ADPGK: variants seen among roughly 807,000 people sequenced by gnomAD.
ADPGK encodes ADP dependent glucokinase, also known as ADP-dependent glucokinase.
In ADPGK, 26 loss-of-function variants were observed where a neutral mutation model predicts 42.4. That is an observed-to-expected ratio of 0.61 (90% CI 0.45 to 0.85). ADPGK has a LOEUF of 0.85. Among genes scored for constraint, ADPGK ranks in the 40% least tolerant of loss-of-function variants. The probability of loss-of-function intolerance (pLI) is 0.00; values close to 1 mark genes in which losing one functional copy is unlikely to be tolerated. For synonymous variants in ADPGK, 267 were observed against 252.6 expected, an observed-to-expected ratio of 1.06 and a Z score of -0.54; for missense variants, 571 against 627.0, an observed-to-expected ratio of 0.91 and a Z score of 0.95.
Position 72,760,516 on chromosome 15 carries a change from G to T in ADPGK, c.534C>A (p.Cys178Ter), listed in dbSNP as rs770921031. The T allele has an allele frequency of 2.9e-5, 47 of 1,601,442 alleles. No individual in the cohort carries two copies. Among genetic ancestry groups the T allele is most frequent in the Non-Finnish European group, 3.9e-5 (46 of 1,170,710 alleles). Reference protein sequence around the residue: ...AANSDLKVLLCGPVGPKLHEL... With the variant: ...AANSDLKVLL ...CATGTAGCTTTGGACCAACTGGACC[G>T]CAAAGAAGAACCTGGAGGCAAGCAA... Residue 178 changes from cysteine to a stop codon, truncating the protein, a stop_gained, in exon 4 of 7, where the codon TGC becomes TGA. Coordinates refer to ENST00000456471, the MANE Select transcript of ADPGK (RefSeq NM_001365225.1). LOFTEE classifies it high-confidence loss of function.
intron 1 of ADPGK, 134 bp downstream of exon 1, chr15:72,783,325 A>G: frequency 7.8e-7 from 1 of 1,279,172 alleles, no homozygotes; most frequent in Non-Finnish European, 9.9e-7. Flanking sequence ...GACGTCCGAC[A>G]CTTCTCGCCA....
intron 6 of ADPGK, 89 bp downstream of exon 6, chr15:72,755,467 G>C: frequency 1.0e-6 from 1 of 959,386 alleles, no homozygotes; most frequent in South Asian, 1.6e-5. Context: ...GCCAGTCCCT[G>C]AGCCCAAACA....
chr15:72,773,395 C>G (rs573239296), intron 2 of ADPGK, among the ~76,000 whole-genome samples: 2 of 152,240 alleles, frequency 1.3e-5, no homozygotes, highest in South Asian at 4.1e-4. Context: ...TTTTATTCAA[C>G]CACGATAGTT....
intron 2 of ADPGK, among the ~76,000 whole-genome samples, chr15:72,774,285 G>C (rs77189517): frequency 6.6e-6 from 1 of 152,278 alleles, no homozygotes; most frequent in South Asian, 2.1e-4. Flanking sequence ...TAAATGAGGA[G>C]GAAGAATGGG....
chr15:72,760,102 A>C, intron 4 of ADPGK: 1 of 173,976 alleles, frequency 5.7e-6, no homozygotes, highest in African/African-American at 2.4e-5. Flanking sequence ...AACTTTATAT[A>C]TGTGTGTTTA....
At chr15:72,756,198 C>T in intron 5 of ADPGK, 53 bp downstream of exon 5, 1 of 1,603,812 alleles carries the variant, frequency 6.2e-7, no homozygotes, top group Non-Finnish European at 8.5e-7. Context: ...GAGGCTGGAA[C>T]CTGAAGAAAA....
At position 72,753,684 on chromosome 15, in the gene ADPGK, T is replaced by G. The variant is rs187188022; in HGVS notation, c.940-789A>C. 3.7e-4 allele frequency among the ~76,000 whole-genome samples: 57 copies of G among 152,372 alleles called. No homozygotes were observed. In the East Asian group the frequency reaches 8.5e-3, roughly 23 times the overall value. ...AGCTTTCCTTCACTGCATGTTCTTCTGTGTCAGGCACTGAGCTAAAGGCTT... is the reference window on the plus strand; with the variant it reads ...AGCTTTCCTTCACTGCATGTTCTTCGGTGTCAGGCACTGAGCTAAAGGCTT... On this transcript the variant is annotated intron_variant, in intron 6 of 6. Coordinates refer to ENST00000456471, the MANE Select transcript of ADPGK (RefSeq NM_001365225.1).
chr15:72,775,930 G>C (rs923098004), intron 1 of ADPGK, among the ~76,000 whole-genome samples: 1 of 152,130 alleles, frequency 6.6e-6, no homozygotes, highest in African/African-American at 2.4e-5. Flanking sequence ...GAGATATCTT[G>C]GGAATGCAAC....
At chr15:72,758,440 T>TG in intron 4 of ADPGK, 1 of 421,252 alleles carries the variant, frequency 2.4e-6, no homozygotes, top group Non-Finnish European at 4.4e-6. Flanking sequence ...GAAAAAAAAA[T>TG]GGACAAATCC....
In ADPGK at chr15:72,774,886, A is replaced by G; in HGVS notation, c.445T>C (p.Phe149Leu). 6.2e-7 allele frequency: 1 copy of G among 1,612,534 alleles called. No homozygotes were observed. The highest frequency in any genetic ancestry group is 8.5e-7 in the Non-Finnish European group (1 of 1,178,604). ...ACCAAACAGACCTGGGCTCCTGGGA[A>G]CTCTGATGCAACCTGGGCAATGTCG... The part of the protein sequence containing the change: ...FHDIAQVASE[F>L]PGAQHYVGGN... The change falls in exon 2 of 7, where the codon TTC becomes CTC. Residue 149 changes from phenylalanine (F) to leucine (L), a missense_variant. Phe to Leu is a conservative substitution (Grantham distance 22). This residue lies in a region of ADPGK where 434 missense variants were observed against 522.7 expected (regional missense o/e 0.83). Coordinates refer to ENST00000456471, the MANE Select transcript of ADPGK (RefSeq NM_001365225.1).
intron 2 of ADPGK, among the ~76,000 whole-genome samples, chr15:72,773,960 C>G (rs955740445): frequency 6.6e-6 from 1 of 152,162 alleles, no homozygotes; most frequent in Non-Finnish European, 1.5e-5. Context: ...CCTTGACCTC[C>G]CGGGCTCAGG....
intron 6 of ADPGK, among the ~76,000 whole-genome samples, chr15:72,753,137 T>A (rs1332075270): frequency 6.6e-6 from 1 of 152,206 alleles, no homozygotes; most frequent in Non-Finnish European, 1.5e-5. Context: ...TTTTGTGATA[T>A]GCCACTGTAA....
intron 3 of ADPGK, 78 bp from the exon 4 acceptor site, chr15:72,760,605 A>G: frequency 6.9e-7 from 1 of 1,454,600 alleles, no homozygotes; most frequent in Non-Finnish European, 9.2e-7. Context: ...CCAGGACAGT[A>G]CATTCAGGCT....
intron 3 of ADPGK, among the ~76,000 whole-genome samples, chr15:72,765,659 C>T (rs1408551569): frequency 6.6e-6 from 1 of 152,144 alleles, no homozygotes; most frequent in Non-Finnish European, 1.5e-5. Flanking sequence ...TGATTCTAAC[C>T]CTCTTGGACG....
chr15:72,776,574 A>G (rs1434204840), intron 1 of ADPGK, among the ~76,000 whole-genome samples: 1 of 152,220 alleles, frequency 6.6e-6, no homozygotes, highest in Non-Finnish European at 1.5e-5. Flanking sequence ...TGGGATGAAG[A>G]GGAATTTTAC....
intron 1 of ADPGK, among the ~76,000 whole-genome samples, chr15:72,780,126 A>G (rs1221043321): frequency 2.0e-5 from 3 of 152,182 alleles, no homozygotes; most frequent in African/African-American, 7.2e-5. Context: ...GCATTAGTCA[A>G]TTTTCATAAT....
chr15:72,782,542 A>AAAC (rs1555405384), intron 1 of ADPGK, among the ~76,000 whole-genome samples: 1 of 151,030 alleles, frequency 6.6e-6, no homozygotes, highest in African/African-American at 2.4e-5. Flanking sequence ...AAAAAAAAAA[A>AAAC]AAAAAACCCC....
chr15:72,765,489 T>C (rs2066247110), intron 3 of ADPGK, among the ~76,000 whole-genome samples: 1 of 152,244 alleles, frequency 6.6e-6, no homozygotes, highest in Admixed American at 6.5e-5. Context: ...ATACATTTCA[T>C]AAGGCTATAG....
chr15:72,767,443 T>A (rs928143872), intron 3 of ADPGK, among the ~76,000 whole-genome samples: 64 of 150,512 alleles, frequency 4.3e-4, no homozygotes, highest in African/African-American at 1.5e-3. Context: ...ATCAACTTCA[T>A]CTAATTGACA....
Sources: gnomAD v4.1 joint callset for allele counts (sites outside exome capture counted in the v4.1 genomes callset) on GRCh38, gnomAD v4.1.1 for gene constraint, gnomAD v4.1.1 regional missense constraint, MANE v1.5 for transcripts, NCBI Gene and HGNC (gene_info 2026-07-23, HGNC 2026-07-21) for gene names.